Variants in SIM2 observed in about 807,000 individuals in gnomAD.
SIM2 encodes single-minded homolog 2.
In SIM2, 28 loss-of-function variants were observed where a neutral mutation model predicts 64.8. The ratio of observed to expected loss-of-function variants is 0.43; its 90% CI spans 0.32 to 0.59. The LOEUF is 0.59. Ranked by LOEUF, SIM2 falls within the 20% of genes least tolerant of loss-of-function variation. The pLI, the probability that SIM2 is intolerant of heterozygous loss-of-function variation, is 0.07. For missense variants in SIM2, 847 were observed against 871.4 expected (o/e 0.97, Z 0.35); for synonymous variants, 408 against 391.1 (o/e 1.04, Z -0.51).
At chr21:36,722,263 T>C (rs1033248982) in intron 4 of SIM2, among the ~76,000 whole-genome samples, 5 of 152,286 alleles carry the variant, frequency 3.3e-5, no homozygotes, top group African/African-American at 1.2e-4. Flanking sequence ...GGGTAAAATA[T>C]GGCAGCCTCT....
At chr21:36,727,831 TTTTAACCA>T (rs1439938427) in intron 6 of SIM2, among the ~76,000 whole-genome samples, 3 of 152,172 alleles carry the variant, frequency 2.0e-5, no homozygotes, top group African/African-American at 7.2e-5. Flanking sequence ...AAATTGATCA[TTTTAACCA>T]TTTATTGATG....
intron 1 of SIM2, among the ~76,000 whole-genome samples, chr21:36,705,682 G>A (rs1194528281): frequency 6.6e-6 from 1 of 152,216 alleles, no homozygotes; most frequent in Non-Finnish European, 1.5e-5. Flanking sequence ...GGGAGGAGGT[G>A]AGACCCCTGC....
At chr21:36,714,033 A>G (rs1035790446) in intron 3 of SIM2, among the ~76,000 whole-genome samples, 4 of 152,278 alleles carry the variant, frequency 2.6e-5, no homozygotes, top group Admixed American at 6.5e-5. Flanking sequence ...ACTATTTTCC[A>G]TAATTATTAG....
chr21:36,744,571 G>A (rs534499286), intron 9 of SIM2, among the ~76,000 whole-genome samples, 157 bp from the exon 10 acceptor site: 7 of 152,286 alleles, frequency 4.6e-5, no homozygotes, highest in South Asian at 2.1e-4. Flanking sequence ...GGTATCGCTC[G>A]CTGTGTGCCT....
At chr21:36,707,821 G>T (rs369587472) in intron 1 of SIM2, among the ~76,000 whole-genome samples, 1 of 152,024 alleles carries the variant, frequency 6.6e-6, no homozygotes, top group South Asian at 2.1e-4. Flanking sequence ...TTGCGGCCCC[G>T]GGAACGATCT....
At chr21:36,742,574 G>A (rs1160427515) in intron 8 of SIM2, among the ~76,000 whole-genome samples, 1 of 152,048 alleles carries the variant, frequency 6.6e-6, no homozygotes, top group Non-Finnish European at 1.5e-5. Flanking sequence ...TACTTTTAAG[G>A]CCATTAGAAG....
In SIM2 at chr21:36,743,516, G is replaced by T; in HGVS notation, c.1128G>T (p.Lys376Asn). 6.2e-7 allele frequency: 1 copy of T among 1,614,070 alleles called. No individual in the cohort carries two copies. Among genetic ancestry groups the T allele is most frequent in the Non-Finnish European group, 8.5e-7 (1 of 1,180,026 alleles). The change falls in exon 9 of 11, where the codon AAG becomes AAT. Residue 376 changes from lysine to asparagine, a missense_variant. This residue lies in a region of SIM2 where 447 missense variants were observed against 414.6 expected (regional missense o/e 1.08). Transcript: ENST00000290399. Reference sequence around the variant, plus strand: ...AATTAGTGAAACCCAAAAATACCAAGATGAAGACAAAGCTGAGAACAAACC... The same window carrying T: ...AATTAGTGAAACCCAAAAATACCAATATGAAGACAAAGCTGAGAACAAACC... Reference protein sequence around the residue: ...TRKLVKPKNTKMKTKLRTNPY... With the variant: ...TRKLVKPKNTNMKTKLRTNPY...
Position 36,699,652 on chromosome 21 carries a change from C to G in SIM2, c.-95C>G, listed in dbSNP as rs1351224484. 7.0e-7 allele frequency: 1 copy of G among 1,429,370 alleles called. No homozygotes were observed. The highest frequency in any genetic ancestry group is 9.4e-7 in the Non-Finnish European group (1 of 1,066,612). 88.5% of individuals were successfully genotyped at this position (1,429,370 alleles called of 1,614,324 possible). A position where few individuals can be genotyped will look rare whatever the true frequency, so the allele number is the denominator to read the frequency against. The stretch of plus-strand genomic sequence containing the variant: ...CCACTCCGCGGACTCACCTGGCTCC[C>G]GGCTCCCCCTTCCCCATCCCCGCCG... On this transcript the variant is annotated 5_prime_UTR_variant, in exon 1 of 11. Transcript: ENST00000290399. The surrounding 1 kb of genome is among the most constrained non-coding windows in gnomAD (Gnocchi z 5.6).
chr21:36,727,162 G>C (rs189068291), intron 6 of SIM2, among the ~76,000 whole-genome samples: 3 of 152,030 alleles, frequency 2.0e-5, no homozygotes, highest in Admixed American at 2.0e-4. Flanking sequence ...AGCCTCCCAA[G>C]TAGCTGGGAT....
At position 36,709,233 on chromosome 21, in the gene SIM2, G is replaced by A; in HGVS notation, c.241G>A (p.Gly81Arg). The change falls in exon 2 of 11, where the codon GGA (glycine) becomes AGA (arginine). Residue 81 changes from glycine to arginine, a missense_variant. Around this residue, in one of 3 missense-constraint regions of SIM2, gnomAD observed 397 missense variants for 439.2 expected, o/e 0.90. Transcript: ENST00000290399. ...GPLDGVAKEL[G>R]SHLLQTLDGF... Reference sequence around the variant, plus strand: ...CCTGGACGGCGTCGCCAAGGAGCTGGGATCGCACTTGCTGCAGGTAGAGCG... The same window carrying A: ...CCTGGACGGCGTCGCCAAGGAGCTGAGATCGCACTTGCTGCAGGTAGAGCG... The A allele has an allele frequency of 6.2e-7, 1 of 1,607,366 alleles. No individual in the cohort carries two copies.
chr21:36,699,671 C>A lies in SIM2; in HGVS notation c.-76C>A. On this transcript the variant is annotated 5_prime_UTR_variant, in exon 1 of 11. Transcript: ENST00000290399. The surrounding 1 kb of genome is among the most constrained non-coding windows in gnomAD (Gnocchi z 5.6). ...GGCTCCCGGCTCCCCCTTCCCCATC[C>A]CCGCCGCCGCAGCCCGAGCGGGGCT... The A allele has an allele frequency of 3.3e-6, 5 of 1,525,472 alleles. No individual in the cohort carries two copies. The highest frequency in any genetic ancestry group is 4.4e-6 in the Non-Finnish European group (5 of 1,132,982). The allele number at this position is 1,525,472 out of a possible 1,614,324, so 94.5% of individuals were successfully genotyped here. A position where few individuals can be genotyped will look rare whatever the true frequency, so the allele number is the denominator to read the frequency against.
At chr21:36,712,395 G>A in intron 2 of SIM2, 138 bp from the exon 3 acceptor site, 1 of 611,238 alleles carries the variant, frequency 1.6e-6, no homozygotes, top group Non-Finnish European at 2.8e-6. Flanking sequence ...TAAGACCCTG[G>A]GCTTCATTTT....
chr21:36,737,466 A>AG (rs552246235), intron 7 of SIM2, among the ~76,000 whole-genome samples: 13 of 152,204 alleles, frequency 8.5e-5, no homozygotes, highest in Admixed American at 2.0e-4. Flanking sequence ...CCAGACCCTC[A>AG]GGGGGGGCTG....
chr21:36,746,867 T>C (rs1197217563), intron 10 of SIM2, among the ~76,000 whole-genome samples: 1 of 152,224 alleles, frequency 6.6e-6, no homozygotes, highest in East Asian at 1.9e-4. Context: ...CACATGGTAT[T>C]TGACTTTTAC....
At chr21:36,704,858 G>C (rs753575166) in intron 1 of SIM2, among the ~76,000 whole-genome samples, 1 of 152,176 alleles carries the variant, frequency 6.6e-6, no homozygotes. Context: ...CTTCTCACCC[G>C]GTCCCCAGTT....
Position 36,725,840 on chromosome 21 carries a change from C to T in SIM2, c.544-279C>T, listed in dbSNP as rs1044336304. ...TTCGCCATGTCACCAAGGCTGGTCT[C>T]GAACTCCTGGACTCAAGCAATCCCC... On this transcript the variant is annotated intron_variant, in intron 5 of 10. Transcript: ENST00000290399. Among the ~76,000 whole-genome samples the T allele has an allele frequency of 6.6e-5, 10 of 152,270 alleles. No homozygotes were observed. In the South Asian group the frequency reaches 8.3e-4, roughly 13 times the overall value.
chr21:36,717,817 A>T (rs1285189909), intron 3 of SIM2, among the ~76,000 whole-genome samples: 2 of 152,232 alleles, frequency 1.3e-5, no homozygotes, highest in Non-Finnish European at 2.9e-5. Flanking sequence ...TGAGGAAAAA[A>T]GGAAATGGTC....
Position 36,747,564 on chromosome 21 carries a change from G to C in SIM2, c.1577-101G>C, listed in dbSNP as rs1288320678. ...GCGACAGCGACCCCGCGGGTGCAGC[G>C]CGTGGGCGGCCGAGGGGTGGTGGCT... is the stretch of plus-strand genomic sequence containing the variant. On this transcript the variant is annotated intron_variant, in intron 10 of 10. Coordinates refer to ENST00000290399, the MANE Select transcript of SIM2 (RefSeq NM_005069.6). This position sits in a 1 kb window ranked among gnomAD's most constrained non-coding sequence, Gnocchi z 4.5. 20 of 809,854 alleles carry C rather than the reference G, an allele frequency of 2.5e-5. No individual in the cohort carries two copies. Among genetic ancestry groups the C allele is most frequent in the Admixed American group, 5.1e-5 (1 of 19,434 alleles). The allele number at this position is 809,854 out of a possible 1,614,324, so 50.2% of individuals were successfully genotyped here. A position where few individuals can be genotyped will look rare whatever the true frequency, so the allele number is the denominator to read the frequency against.
chr21:36,737,557 A>G lies in SIM2; in HGVS notation c.851-4160A>G, dbSNP rs544028711. 5.3e-4 allele frequency among the ~76,000 whole-genome samples: 80 copies of G among 152,350 alleles called. No individual in the cohort carries two copies. The South Asian group carries it at 0.017, about 32-fold the overall frequency. On this transcript the variant is annotated intron_variant, in intron 7 of 10. Coordinates refer to ENST00000290399, the MANE Select transcript of SIM2 (RefSeq NM_005069.6). ...TGTGTCATGGGACACTGGGCTGTCCATGGTTTGGAAGAACCGTGATGTCCA... is the reference window on the plus strand; with the variant it reads ...TGTGTCATGGGACACTGGGCTGTCCGTGGTTTGGAAGAACCGTGATGTCCA...
Sources: allele counts gnomAD v4.1 joint callset (sites outside exome capture counted in the v4.1 genomes callset), GRCh38; gene constraint gnomAD v4.1.1; regional missense constraint gnomAD v4.1.1; non-coding constraint Gnocchi (gnomAD v3.1); transcripts MANE v1.5; gene names NCBI Gene and HGNC (gene_info 2026-07-23, HGNC 2026-07-21).